FREM1: variants seen among roughly 807,000 people sequenced by gnomAD.
FREM1 encodes FRAS1-related extracellular matrix protein 1.
Under a neutral mutation model 210.1 loss-of-function variants are expected in FREM1, and 220 were observed. That is an observed-to-expected ratio of 1.05 (90% confidence interval 0.94 to 1.17). The LOEUF is 1.17. Ranked by LOEUF, FREM1 falls within the 50% of genes most tolerant of loss-of-function variation. The pLI is 0.00. For synonymous variants in FREM1, 1,189 were observed against 980.2 expected (o/e 1.21, Z -3.98); for missense variants, 3,454 against 2,675.5 (o/e 1.29, Z -6.42).
chr9:14,748,745 G>C (rs1842872349), intron 30 of FREM1, 106 bp from the exon 31 acceptor site: 4 of 726,956 alleles, frequency 5.5e-6, no homozygotes, highest in Non-Finnish European at 9.3e-6. Flanking sequence ...CTAGATGGAT[G>C]GTTTTCCCAC....
chr9:14,806,498 C>T (rs143172065), intron 18 of FREM1, among the ~76,000 whole-genome samples, 163 bp downstream of exon 18: 2,111 of 152,260 alleles, frequency 0.014, 57 homozygotes, highest in African/African-American at 0.047. Context: ...AGGTGACCTG[C>T]CCATCTCGGC....
chr9:14,770,268 G>C (rs902211127), intron 26 of FREM1, among the ~76,000 whole-genome samples: 1 of 152,066 alleles, frequency 6.6e-6, no homozygotes, highest in Non-Finnish European at 1.5e-5. Flanking sequence ...ACATCATTTA[G>C]AGTCATTTAG....
intron 23 of FREM1, among the ~76,000 whole-genome samples, chr9:14,787,090 C>A (rs561111737): frequency 1.3e-5 from 2 of 152,272 alleles, no homozygotes; most frequent in Admixed American, 6.5e-5. Flanking sequence ...GAAAACACAG[C>A]AACACAGCAG....
intron 1 of FREM1, among the ~76,000 whole-genome samples, chr9:14,897,672 C>T (rs993556336): frequency 5.3e-5 from 8 of 151,922 alleles, no homozygotes; most frequent in Non-Finnish European, 1.0e-4. Context: ...CTCACTGCCA[C>T]CTCAAACTCC....
In FREM1 at chr9:14,746,932, G is replaced by A. The variant is rs1448250806; in HGVS notation, c.6129C>T (p.Pro2043=). The A allele has an allele frequency of 6.2e-7, 1 of 1,612,844 alleles. No homozygotes were observed. The highest frequency in any genetic ancestry group is 8.5e-7 in the Non-Finnish European group (1 of 1,179,644). ...TCAGCCTGCCTCCTACCTTGGTTTGGGGACTCCAGGCTTTCCAGGCGATCC... is the reference window on the plus strand; with the variant it reads ...TCAGCCTGCCTCCTACCTTGGTTTGAGGACTCCAGGCTTTCCAGGCGATCC... ...CNGIAWKAWS[P]QTKDVEDKSC... Residue 2043 remains proline (P), a synonymous_variant, in exon 34 of 37, where the codon CCC becomes CCT. Transcript: ENST00000380880.
At position 14,867,559 on chromosome 9, in the gene FREM1, C is replaced by T. The variant is rs117954432; in HGVS notation, c.234+1185G>A. ...TCTTCCAAAGAATTCTGATGTGTTTCAGAATGGGTCTATAACTTGAAGTGT... is the reference window on the plus strand; with the variant it reads ...TCTTCCAAAGAATTCTGATGTGTTTTAGAATGGGTCTATAACTTGAAGTGT... On this transcript the variant is annotated intron_variant, in intron 2 of 36. Transcript: ENST00000380880. 5.3e-5 allele frequency among the ~76,000 whole-genome samples: 8 copies of T among 152,346 alleles called. No homozygotes were observed. The East Asian group carries it at 1.5e-3, about 29-fold the overall frequency.
chr9:14,834,793 G>C (rs1824230393), intron 10 of FREM1, among the ~76,000 whole-genome samples: 1 of 152,012 alleles, frequency 6.6e-6, no homozygotes, highest in African/African-American at 2.4e-5. Context: ...AAAATTGTAT[G>C]GGTTTTCTAA....
At chr9:14,758,679 G>A (rs1467469010) in intron 28 of FREM1, among the ~76,000 whole-genome samples, 1 of 137,824 alleles carries the variant, frequency 7.3e-6, no homozygotes, top group East Asian at 2.2e-4. Context: ...GATGGTGGGG[G>A]GATGGGGTGG....
At position 14,824,828 on chromosome 9, in the gene FREM1, T is replaced by C. The variant is rs111511743; in HGVS notation, c.2046A>G (p.Ile682Met). Residue 682 changes from isoleucine to methionine, a missense_variant, in exon 11 of 37, where the codon ATA becomes ATG. Physicochemically the swap from Ile to Met is conservative, Grantham distance 10 (BLOSUM62 1). Transcript: ENST00000380880. ...ESYDRELVYT[I>M]TTPPFFSFSH... ...TGAAGGAGAAAAATGGAGGAGTAGT[T>C]ATTGTGTAGACCAGCTCCCTGTCAT... 6.2e-7 allele frequency: 1 copy of C among 1,612,622 alleles called. No individual in the cohort carries two copies. The highest frequency in any genetic ancestry group is 1.3e-5 in the African/African-American group (1 of 74,898).
At position 14,750,110 on chromosome 9, in the gene FREM1, G is replaced by T; in HGVS notation, c.5557+17C>A. The T allele has an allele frequency of 6.2e-7, 1 of 1,612,490 alleles. No individual in the cohort carries two copies. Among genetic ancestry groups the T allele is most frequent in the South Asian group, 1.1e-5 (1 of 90,578 alleles). ...CCAGGACCGCTCCTGATTTCAAGAT[G>T]AGGATCAAAAGAATACCTCCTTTTG... is the stretch of plus-strand genomic sequence containing the variant. On this transcript the variant is annotated intron_variant, in intron 30 of 36. Coordinates refer to ENST00000380880, the MANE Select transcript of FREM1 (RefSeq NM_001379081.2).
At chr9:14,884,440 G>A (rs925664798) in intron 1 of FREM1, among the ~76,000 whole-genome samples, 6 of 152,170 alleles carry the variant, frequency 3.9e-5, no homozygotes, top group African/African-American at 1.2e-4. Flanking sequence ...GCCAATAAAC[G>A]CCAATAAAGC....
At chr9:14,871,834 T>C (rs1832737850) in intron 1 of FREM1, among the ~76,000 whole-genome samples, 1 of 152,228 alleles carries the variant, frequency 6.6e-6, no homozygotes, top group African/African-American at 2.4e-5. Context: ...TTGAATTAAT[T>C]TTTGTATGAG....
chr9:14,881,001 GA>G (rs1367955699), intron 1 of FREM1, among the ~76,000 whole-genome samples: 1 of 152,194 alleles, frequency 6.6e-6, no homozygotes, highest in Admixed American at 6.5e-5. Flanking sequence ...TGAAACTGAA[GA>G]ATGCAGCAAA....
intron 1 of FREM1, among the ~76,000 whole-genome samples, chr9:14,874,202 A>T (rs1461682416): frequency 6.6e-6 from 1 of 152,092 alleles, no homozygotes; most frequent in Non-Finnish European, 1.5e-5. Flanking sequence ...TGCAGAGGTG[A>T]GTTCAATTCC....
intron 21 of FREM1, 132 bp downstream of exon 21, chr9:14,797,366 G>T: frequency 1.7e-6 from 1 of 592,550 alleles, no homozygotes; most frequent in Non-Finnish European, 2.7e-6. Context: ...ATGCCTGAGT[G>T]GCAGGGGCAA....
chr9:14,829,649 G>A (rs1254647276), intron 10 of FREM1, among the ~76,000 whole-genome samples: 1 of 152,166 alleles, frequency 6.6e-6, no homozygotes, highest in African/African-American at 2.4e-5. Context: ...CTCACAAGAT[G>A]TAGTTCATTG....
At chr9:14,783,843 A>C (rs1333849215) in intron 24 of FREM1, among the ~76,000 whole-genome samples, 1 of 152,202 alleles carries the variant, frequency 6.6e-6, no homozygotes, top group Non-Finnish European at 1.5e-5. Context: ...ACTTTATGAC[A>C]ACATGATTTA....
rs773651159 is a variant in FREM1 at position 14,776,014 on chromosome 9, G to C, written c.4632C>G (p.Phe1544Leu). The C allele has an allele frequency of 6.2e-7, 1 of 1,614,020 alleles. No homozygotes were observed. Among genetic ancestry groups the C allele is most frequent in the Admixed American group, 1.7e-5 (1 of 60,032 alleles). Reference protein sequence around the residue: ...DPDTPAENLTFLLVQLPQHGQ... With the variant: ...DPDTPAENLTLLLVQLPQHGQ... ...CATGCTGGGGGAGCTGAACCAAGAG[G>C]AAGGTGAGGTTCTCCGCAGGTGTAT... The change falls in exon 25 of 37, where the codon TTC becomes TTG. Residue 1544 changes from phenylalanine (F) to leucine (L), a missense_variant. Phe to Leu is a conservative substitution (Grantham distance 22). Coordinates refer to ENST00000380880, the MANE Select transcript of FREM1 (RefSeq NM_001379081.2).
At chr9:14,902,147 T>C (rs1232898705) in intron 1 of FREM1, among the ~76,000 whole-genome samples, 9 of 152,078 alleles carry the variant, frequency 5.9e-5, no homozygotes, top group Admixed American at 3.9e-4. Flanking sequence ...CACTTGGCTG[T>C]TGTTAATTAA....
Sources: gnomAD v4.1 joint callset for allele counts (sites outside exome capture counted in the v4.1 genomes callset) on GRCh38, gnomAD v4.1.1 for gene constraint, MANE v1.5 for transcripts, NCBI Gene and HGNC (gene_info 2026-07-23, HGNC 2026-07-21) for gene names.